Variants in TENM4 observed in about 807,000 individuals in gnomAD.
The protein encoded by TENM4 is teneurin transmembrane protein 4.
A neutral mutation model predicts 243.3 loss-of-function variants in TENM4; 82 were observed. The ratio of observed to expected loss-of-function variants is 0.34; its 90% confidence interval spans 0.28 to 0.40. The LOEUF (loss-of-function observed/expected upper bound fraction) is 0.40, where lower values mean the gene tolerates loss of function less well. TENM4 is among the 10% of genes least tolerant of loss of function. The pLI is 1.00. For missense variants in TENM4, 3,138 were observed against 3,673.3 expected, an observed-to-expected ratio of 0.85 and a Z score of 3.77; for synonymous variants, 1,412 against 1,456.3, an observed-to-expected ratio of 0.97 and a Z score of 0.69.
At chr11:79,037,245 A>G (rs891676180) in intron 6 of TENM4, among the ~76,000 whole-genome samples, 1 of 152,182 alleles carries the variant, frequency 6.6e-6, no homozygotes, top group Non-Finnish European at 1.5e-5. Flanking sequence ...TCTTGCTGTC[A>G]GCTGCTGCAC....
At chr11:79,085,941 A>G (rs1167475317) in intron 4 of TENM4, among the ~76,000 whole-genome samples, 3 of 152,326 alleles carry the variant, frequency 2.0e-5, no homozygotes, top group South Asian at 2.1e-4. Context: ...TTAAACATCT[A>G]CTATGTACAG....
At chr11:78,926,057 C>T (rs867400979) in intron 6 of TENM4, among the ~76,000 whole-genome samples, 8 of 151,922 alleles carry the variant, frequency 5.3e-5, no homozygotes, top group African/African-American at 1.2e-4. Flanking sequence ...AGAGTTCTAT[C>T]GGGGAGGGAA....
chr11:78,817,664 A>T lies in TENM4; in HGVS notation c.1682-3269T>A, dbSNP rs369218378. Reference sequence around the variant, plus strand: ...AATTTTGAGTAAAGTCTAAGGCAAGATAATTTCCACTTTAAGCTACTGGGC... The same window carrying T: ...AATTTTGAGTAAAGTCTAAGGCAAGTTAATTTCCACTTTAAGCTACTGGGC... On this transcript the variant is annotated intron_variant, in intron 12 of 33. Transcript: ENST00000278550. 3.3e-5 allele frequency among the ~76,000 whole-genome samples: 5 copies of T among 152,244 alleles called. No homozygotes were observed. In the South Asian group the frequency reaches 6.2e-4, roughly 19 times the overall value.
At chr11:79,425,914 GA>G (rs1467285799) in intron 1 of TENM4, among the ~76,000 whole-genome samples, 3 of 152,204 alleles carry the variant, frequency 2.0e-5, no homozygotes. Context: ...ATTTTGACTT[GA>G]AAAGTTCTAG....
At position 79,136,291 on chromosome 11, in the gene TENM4, T is replaced by C. The variant is rs568445523; in HGVS notation, c.-66+12419A>G. Among the ~76,000 whole-genome samples, 36 of 152,242 alleles carry C rather than the reference T, an allele frequency of 2.4e-4. 1 individual carries two copies. Among genetic ancestry groups the C allele is most frequent in the African/African-American group, 8.7e-4 (36 of 41,560 alleles). On this transcript the variant is annotated intron_variant, in intron 4 of 33. Coordinates refer to ENST00000278550, the MANE Select transcript of TENM4 (RefSeq NM_001098816.3). ...TGCATCCCATGTAAGTGCTCACCAA[T>C]GGGTGACCTCAGCAGAGGAGGATTT...
At chr11:79,042,667 G>C (rs1026225857) in intron 6 of TENM4, among the ~76,000 whole-genome samples, 1 of 152,142 alleles carries the variant, frequency 6.6e-6, no homozygotes, top group Non-Finnish European at 1.5e-5. Context: ...GCAGCCTGAA[G>C]GGATTAAGAC....
chr11:79,235,038 G>A (rs891377086), intron 2 of TENM4, among the ~76,000 whole-genome samples: 1 of 152,128 alleles, frequency 6.6e-6, no homozygotes, highest in Non-Finnish European at 1.5e-5. Context: ...GACTGGCCAG[G>A]CGCGGTGACT....
At chr11:79,192,278 C>T (rs1863528453) in intron 3 of TENM4, among the ~76,000 whole-genome samples, 1 of 152,200 alleles carries the variant, frequency 6.6e-6, no homozygotes. Context: ...CCCAACAGCT[C>T]ATTGAGAATG....
chr11:79,325,261 C>G lies in TENM4; in HGVS notation c.-320-27718G>C, dbSNP rs148746226. Among the ~76,000 whole-genome samples, 515 of 152,300 alleles carry G rather than the reference C, an allele frequency of 3.4e-3. 3 individuals carry two copies. The highest frequency in any genetic ancestry group is 0.014 in the Middle Eastern group (4 of 294). ...TTAATGACTCTTCAAGAGCAGCTGACATCTAGAGGCCCAACACGGGCCATA... is the reference window on the plus strand; with the variant it reads ...TTAATGACTCTTCAAGAGCAGCTGAGATCTAGAGGCCCAACACGGGCCATA... On this transcript the variant is annotated intron_variant, in intron 1 of 33. Transcript: ENST00000278550.
intron 9 of TENM4, among the ~76,000 whole-genome samples, chr11:78,881,444 A>G (rs184177970): frequency 4.3e-4 from 66 of 152,218 alleles, no homozygotes; most frequent in Admixed American, 9.2e-4. Context: ...CCATGCCTCT[A>G]TTGAAGACCA....
At chr11:78,790,203 T>C (rs545120645) in intron 15 of TENM4, among the ~76,000 whole-genome samples, 1 of 152,346 alleles carries the variant, frequency 6.6e-6, no homozygotes, top group South Asian at 2.1e-4. Context: ...CCAAATAATC[T>C]ATAGCTATGA....
At chr11:78,696,524 C>G (rs1858968481) in intron 28 of TENM4, among the ~76,000 whole-genome samples, 1 of 152,116 alleles carries the variant, frequency 6.6e-6, no homozygotes, top group African/African-American at 2.4e-5. Flanking sequence ...TGTGAGTTTC[C>G]TTGTGCTAGG....
chr11:78,727,629 T>G (rs1248374010), intron 22 of TENM4, among the ~76,000 whole-genome samples: 1 of 152,272 alleles, frequency 6.6e-6, no homozygotes, highest in Non-Finnish European at 1.5e-5. Context: ...GGATTACTTT[T>G]AAAAAGCTGG....
At chr11:79,295,055 T>G (rs1856425963) in intron 2 of TENM4, among the ~76,000 whole-genome samples, 1 of 151,834 alleles carries the variant, frequency 6.6e-6, no homozygotes, top group South Asian at 2.1e-4. Flanking sequence ...CCCCAGGGAG[T>G]GCATTGCCTC....
At chr11:79,005,786 G>A (rs1858465245) in intron 6 of TENM4, among the ~76,000 whole-genome samples, 1 of 152,056 alleles carries the variant, frequency 6.6e-6, no homozygotes, top group Admixed American at 6.6e-5. Context: ...ATACAAAGAG[G>A]AAGACAGCAA....
intron 2 of TENM4, among the ~76,000 whole-genome samples, chr11:79,282,578 T>TA (rs1360770307): frequency 6.6e-6 from 1 of 152,162 alleles, no homozygotes; most frequent in Admixed American, 6.5e-5. Context: ...TTTTACGTGT[T>TA]AAAAAACAAC....
At chr11:79,234,210 T>C (rs1305438524) in intron 2 of TENM4, among the ~76,000 whole-genome samples, 1 of 152,236 alleles carries the variant, frequency 6.6e-6, no homozygotes, top group Non-Finnish European at 1.5e-5. Flanking sequence ...TTGACCTTCT[T>C]TTCCTCTGAA....
intron 9 of TENM4, among the ~76,000 whole-genome samples, chr11:78,888,215 G>C (rs1168581472): frequency 6.6e-6 from 1 of 152,206 alleles, no homozygotes; most frequent in African/African-American, 2.4e-5. Context: ...CTCCATTTCT[G>C]TGACCATAAC....
chr11:79,083,536 G>A, intron 4 of TENM4, among the ~76,000 whole-genome samples: 1 of 152,214 alleles, frequency 6.6e-6, no homozygotes, highest in Admixed American at 6.5e-5. Flanking sequence ...GTGAGTCCAC[G>A]TGGATAGCAG....
Sources: allele counts gnomAD v4.1 joint callset (sites outside exome capture counted in the v4.1 genomes callset), GRCh38; gene constraint gnomAD v4.1.1; transcripts MANE v1.5; gene names NCBI Gene and HGNC (gene_info 2026-07-23, HGNC 2026-07-21).